CREB5: variants seen among roughly 807,000 people sequenced by gnomAD.
The protein encoded by CREB5 is cAMP responsive element binding protein 5, also known as cyclic AMP-responsive element-binding protein 5.
In CREB5, 19 loss-of-function variants were observed where a neutral mutation model predicts 57.1. That is an observed-to-expected ratio of 0.33 (90% confidence interval 0.23 to 0.49). The LOEUF (loss-of-function observed/expected upper bound fraction) is 0.49, where lower values mean the gene tolerates loss of function less well. Among genes scored for constraint, CREB5 ranks in the 20% least tolerant of loss-of-function variants. The probability of loss-of-function intolerance (pLI) is 0.99; values close to 1 mark genes in which losing one functional copy is unlikely to be tolerated. For synonymous variants in CREB5, 238 were observed against 238.3 expected (o/e 1.00, Z 0.01); for missense variants, 579 against 671.6 (o/e 0.86, Z 1.52).
At chr7:28,471,576 T>G (rs1260594814) in intron 1 of CREB5, among the ~76,000 whole-genome samples, 1 of 152,228 alleles carries the variant, frequency 6.6e-6, no homozygotes, top group African/African-American at 2.4e-5. Flanking sequence ...ATTCACTACA[T>G]GCTGCATTTA....
At chr7:28,588,234 A>G (rs1300044578) in intron 5 of CREB5, among the ~76,000 whole-genome samples, 1 of 152,184 alleles carries the variant, frequency 6.6e-6, no homozygotes, top group Admixed American at 6.5e-5. Context: ...TGAATACAGT[A>G]TGTAGGACCT....
intron 4 of CREB5, among the ~76,000 whole-genome samples, chr7:28,560,909 C>CGCGTGTGTGT (rs1562797737): frequency 6.1e-4 from 20 of 32,686 alleles, no homozygotes; most frequent in African/African-American, 2.9e-3. Context: ...TGCGCGCGTG[C>CGCGTGTGTGT]GTGTGCGTGT....
chr7:28,465,110 G>A (rs1205236588), intron 1 of CREB5, among the ~76,000 whole-genome samples: 3 of 152,208 alleles, frequency 2.0e-5, no homozygotes, highest in African/African-American at 4.8e-5. Context: ...CCAGAGGATA[G>A]GATGCTAATG....
At position 28,550,928 on chromosome 7, in the gene CREB5, C is replaced by T. The variant is rs184920673; in HGVS notation, c.292-19437C>T. Among the ~76,000 whole-genome samples the T allele has an allele frequency of 2.3e-4, 35 of 152,224 alleles. No individual in the cohort carries two copies. The East Asian group carries it at 3.5e-3, about 15-fold the overall frequency. On this transcript the variant is annotated intron_variant, in intron 4 of 10. Transcript: ENST00000357727. ...GCTTCAAGTCAGATAAAAACAACGC[C>T]GGCTGAAGGCTTCAGTTGATGCCAA...
intron 5 of CREB5, among the ~76,000 whole-genome samples, chr7:28,684,491 C>G (rs1035394010): frequency 1.3e-5 from 2 of 152,230 alleles, no homozygotes; most frequent in Non-Finnish European, 2.9e-5. Context: ...TAACTCTTCA[C>G]CCTGAGTACG....
intron 3 of CREB5, among the ~76,000 whole-genome samples, chr7:28,504,097 T>C (rs896421379): frequency 6.6e-6 from 1 of 152,242 alleles, no homozygotes. Flanking sequence ...GCTTAACTTT[T>C]GTTTTAACAT....
chr7:28,402,340 C>T (rs1787485428), intron 1 of CREB5, among the ~76,000 whole-genome samples: 1 of 152,010 alleles, frequency 6.6e-6, no homozygotes, highest in Non-Finnish European at 1.5e-5. Context: ...TCATGTGGAA[C>T]CAAAAAAGAG....
chr7:28,401,539 A>G (rs1787464398), intron 1 of CREB5, among the ~76,000 whole-genome samples: 1 of 151,994 alleles, frequency 6.6e-6, no homozygotes, highest in African/African-American at 2.4e-5. Context: ...CATTAGGTAT[A>G]TCTCCTAATG....
chr7:28,385,208 G>A (rs1456611401), intron 1 of CREB5, among the ~76,000 whole-genome samples: 1 of 152,152 alleles, frequency 6.6e-6, no homozygotes, highest in East Asian at 1.9e-4. Flanking sequence ...GAGTATTGAT[G>A]TCCTCTGAAA....
chr7:28,800,494 C>A (rs1808297622), intron 7 of CREB5, among the ~76,000 whole-genome samples: 1 of 152,132 alleles, frequency 6.6e-6, no homozygotes, highest in Non-Finnish European at 1.5e-5. Context: ...GACAGACTTA[C>A]AAGGGTTAAA....
chr7:28,336,010 C>T (rs1012249342), intron 1 of CREB5, among the ~76,000 whole-genome samples: 1 of 152,044 alleles, frequency 6.6e-6, no homozygotes, highest in African/African-American at 2.4e-5. Context: ...GATTGATTTG[C>T]ATATGTTGAA....
chr7:28,645,035 C>T (rs751990954), intron 5 of CREB5, among the ~76,000 whole-genome samples: 1 of 152,146 alleles, frequency 6.6e-6, no homozygotes, highest in Non-Finnish European at 1.5e-5. Flanking sequence ...GTGCCGTTGT[C>T]AAGATAGGAA....
chr7:28,602,141 A>ATTTATTTG (rs1346414971), intron 5 of CREB5, among the ~76,000 whole-genome samples: 2 of 149,250 alleles, frequency 1.3e-5, no homozygotes, highest in African/African-American at 5.2e-5. Flanking sequence ...TTATTTATTT[A>ATTTATTTG]TTTTTGAAAT....
chr7:28,440,127 G>C (rs898552661), intron 1 of CREB5, among the ~76,000 whole-genome samples: 1 of 152,184 alleles, frequency 6.6e-6, no homozygotes, highest in Non-Finnish European at 1.5e-5. Flanking sequence ...ACTCTCAGTT[G>C]TCCTCTCCAC....
chr7:28,663,496 G>T (rs535154054), intron 5 of CREB5, among the ~76,000 whole-genome samples: 1 of 152,056 alleles, frequency 6.6e-6, no homozygotes, highest in East Asian at 1.9e-4. Flanking sequence ...GTGAGCCACC[G>T]CACTCGGCCA....
intron 4 of CREB5, among the ~76,000 whole-genome samples, chr7:28,547,115 C>T (rs930433177): frequency 2.6e-5 from 4 of 152,174 alleles, no homozygotes; most frequent in Non-Finnish European, 5.9e-5. Flanking sequence ...GCCCTGGGTC[C>T]CACAAATGTT....
intron 7 of CREB5, among the ~76,000 whole-genome samples, chr7:28,772,890 T>C (rs1441742152): frequency 6.6e-6 from 1 of 152,180 alleles, no homozygotes; most frequent in Non-Finnish European, 1.5e-5. Context: ...GTGCACCAGC[T>C]CTGGCCTACC....
Position 28,804,472 on chromosome 7 carries a change from C to G in CREB5, c.976C>G (p.His326Asp). ...TTCCCACCTTCATGCACACCCAGCA[C>G]ATCACCAGACCTCGCCACATCCGCC... ...SHSHLHAHPA[H>D]HQTSPHPPLH... is the part of the protein sequence containing the mutation. The change falls in exon 8 of 11, where the codon CAT becomes GAT. Residue 326 changes from histidine to aspartate, a missense_variant. Around this residue, in one of 3 missense-constraint regions of CREB5, gnomAD observed 459 missense variants for 515.7 expected, o/e 0.89. Coordinates refer to ENST00000357727, the MANE Select transcript of CREB5 (RefSeq NM_182898.4). 2 of 1,614,188 alleles carry G rather than the reference C, an allele frequency of 1.2e-6. No homozygotes were observed. Among genetic ancestry groups the G allele is most frequent in the Non-Finnish European group, 1.7e-6 (2 of 1,180,022 alleles).
chr7:28,574,796 T>C (rs1421867150), intron 5 of CREB5, among the ~76,000 whole-genome samples: 1 of 152,212 alleles, frequency 6.6e-6, no homozygotes, highest in African/African-American at 2.4e-5. Context: ...CTCAGAAATA[T>C]GTTCAACAGA....
Sources: allele counts gnomAD v4.1 joint callset (sites outside exome capture counted in the v4.1 genomes callset), GRCh38; gene constraint gnomAD v4.1.1; regional missense constraint gnomAD v4.1.1; transcripts MANE v1.5; gene names NCBI Gene and HGNC (gene_info 2026-07-23, HGNC 2026-07-21).